PPP4R1: variants seen among roughly 807,000 people sequenced by gnomAD.
The protein encoded by PPP4R1 is serine/threonine-protein phosphatase 4 regulatory subunit 1.
In PPP4R1, 42 loss-of-function variants were observed where a neutral mutation model predicts 111.2. The observed-to-expected ratio is 0.38, with a 90% CI of 0.29 to 0.49. The LOEUF (loss-of-function observed/expected upper bound fraction) is 0.49. Among genes scored for constraint, PPP4R1 ranks in the 20% least tolerant of loss-of-function variants. The pLI is 0.97. For synonymous variants in PPP4R1, 409 were observed against 405.5 expected (o/e 1.01, Z -0.10); for missense variants, 1,012 against 1,161.6 (o/e 0.87, Z 1.87).
intron 10 of PPP4R1, among the ~76,000 whole-genome samples, chr18:9,574,607 T>C (rs1177226457): frequency 1.3e-5 from 2 of 152,224 alleles, no homozygotes; most frequent in Non-Finnish European, 2.9e-5. Flanking sequence ...AGGATTAATA[T>C]GTGCACCAAC....
At chr18:9,567,773 G>A (rs1032654928) in intron 11 of PPP4R1, among the ~76,000 whole-genome samples, 2 of 152,122 alleles carry the variant, frequency 1.3e-5, no homozygotes, top group African/African-American at 4.8e-5. Flanking sequence ...ATGAAAGGAA[G>A]AGTCAACTGA....
intron 2 of PPP4R1, chr18:9,599,881 TCA>T (rs2067351574): frequency 6.6e-6 from 1 of 152,160 alleles, no homozygotes; most frequent in East Asian, 1.9e-4. Context: ...GCTGTGACTG[TCA>T]AACATAATTA....
intron 10 of PPP4R1, among the ~76,000 whole-genome samples, chr18:9,571,300 A>G (rs1344739462): frequency 6.6e-6 from 1 of 152,236 alleles, no homozygotes; most frequent in Non-Finnish European, 1.5e-5. Context: ...TAAAATGAGG[A>G]CATAATTTAA....
At position 9,562,016 on chromosome 18, in the gene PPP4R1, A is replaced by C; in HGVS notation, c.1806T>G (p.Ser602Arg). ...HSDSDLSNNS[S>R]FSPDEERRTK... The stretch of plus-strand genomic sequence containing the variant: ...TTCTCCTTTCCTCATCAGGGCTAAA[A>C]CTGCTATTGTTGCTCAAGTCTGAAT... Residue 602 changes from serine to arginine, a missense_variant, in exon 13 of 20, where the codon AGT becomes AGG. By Grantham distance (110) the Ser-to-Arg change is moderately radical (BLOSUM62 -1). Coordinates refer to ENST00000400556, the MANE Select transcript of PPP4R1 (RefSeq NM_001042388.3). The C allele has an allele frequency of 3.7e-6, 6 of 1,613,256 alleles. No homozygotes were observed. Among genetic ancestry groups the C allele is most frequent in the Non-Finnish European group, 5.1e-6 (6 of 1,179,312 alleles).
intron 3 of PPP4R1, 52 bp from the exon 4 acceptor site, chr18:9,593,926 T>C (rs758434863): frequency 2.8e-6 from 4 of 1,436,842 alleles, no homozygotes. Flanking sequence ...ATAGCTAATA[T>C]CCAGAATTTT....
chr18:9,566,408 G>C (rs2066765475), intron 11 of PPP4R1, among the ~76,000 whole-genome samples: 1 of 151,740 alleles, frequency 6.6e-6, no homozygotes, highest in South Asian at 2.1e-4. Context: ...CCAGCACTTT[G>C]GGAGGCTGAG....
chr18:9,581,168 CAA>C (rs56258469), intron 9 of PPP4R1, among the ~76,000 whole-genome samples: 377 of 138,154 alleles, frequency 2.7e-3, no homozygotes, highest in African/African-American at 5.8e-3. Context: ...ACAAGGCAGG[CAA>C]AAAAAAAAAA....
intron 9 of PPP4R1, among the ~76,000 whole-genome samples, chr18:9,580,344 G>A (rs1180670617): frequency 1.6e-5 from 2 of 125,578 alleles, no homozygotes; most frequent in African/African-American, 3.1e-5. Flanking sequence ...AAAAAGCTGA[G>A]AGTCTAATTT....
rs1184932139 is a variant in PPP4R1, at chr18:9,559,447, G to A, written c.2000C>T (p.Thr667Met). 2.5e-6 allele frequency: 4 copies of A among 1,612,432 alleles called. No individual in the cohort carries two copies. Among genetic ancestry groups the A allele is most frequent in the Admixed American group, 1.7e-5 (1 of 59,856 alleles). ...CATGTCTGAGGCCAGAGTCTCATAC[G>A]TCTCTCTCAGGCAGTGCCAATTCTG... ...GRQNWHCLRE[T>M]YETLASDMQW... is the part of the protein sequence containing the mutation. Residue 667 changes from threonine (T) to methionine (M), a missense_variant, in exon 14 of 20, where the codon ACG becomes ATG. By Grantham distance (81) the Thr-to-Met change is moderately conservative (BLOSUM62 -1). Transcript: ENST00000400556.
chr18:9,595,593 T>C (rs1164654340), intron 2 of PPP4R1, among the ~76,000 whole-genome samples: 1 of 152,220 alleles, frequency 6.6e-6, no homozygotes, highest in Non-Finnish European at 1.5e-5. Flanking sequence ...ATATTTACAT[T>C]CATTAAACAA....
At position 9,583,159 on chromosome 18, in the gene PPP4R1, T is replaced by G. The variant is rs1402058112; in HGVS notation, c.876A>C (p.Leu292Phe). 1 of 1,611,902 alleles carries G rather than the reference T, an allele frequency of 6.2e-7. No homozygotes were observed. Among genetic ancestry groups the G allele is most frequent in the Admixed American group, 1.7e-5 (1 of 59,964 alleles). ...TGATCAAATTAATAAAAAGTGCTGA[T>G]AATTTGGTCCGTCGGATTTCTTGAC... ...ATCQEIRRTKLSALFINLISD... is the reference protein window; with the variant it reads ...ATCQEIRRTKFSALFINLISD... Residue 292 changes from leucine to phenylalanine, a missense_variant, in exon 9 of 20, where the codon TTA (leucine) becomes TTC (phenylalanine). By Grantham distance (22) the Leu-to-Phe change is conservative (BLOSUM62 0). This residue lies in a region of PPP4R1 where 707 missense variants were observed against 742.1 expected (regional missense o/e 0.95). Coordinates refer to ENST00000400556, the MANE Select transcript of PPP4R1 (RefSeq NM_001042388.3).
chr18:9,576,299 T>G (rs1049254640), intron 10 of PPP4R1, among the ~76,000 whole-genome samples: 1 of 152,152 alleles, frequency 6.6e-6, no homozygotes, highest in Non-Finnish European at 1.5e-5. Context: ...TTTCAAATAT[T>G]TGTACTAAAA....
In PPP4R1 at chr18:9,612,036, C is replaced by A. The variant is rs1024584059; in HGVS notation, c.52+2190G>T. On this transcript the variant is annotated intron_variant, in intron 2 of 19. Coordinates refer to ENST00000400556, the MANE Select transcript of PPP4R1 (RefSeq NM_001042388.3). ...CTCAAAAAAAAAAAAAATTTAGTTG[C>A]GAGCATTGGCAGCATCTTTAAGTAC... Among the ~76,000 whole-genome samples the A allele has an allele frequency of 1.6e-4, 25 of 151,842 alleles. 1 individual carries two copies. Among genetic ancestry groups the A allele is most frequent in the Admixed American group, 1.6e-3 (25 of 15,238 alleles).
At chr18:9,552,794 T>G (rs2066509978) in intron 16 of PPP4R1, among the ~76,000 whole-genome samples, 1 of 152,180 alleles carries the variant, frequency 6.6e-6, no homozygotes, top group African/African-American at 2.4e-5. Context: ...ATGTGGTATA[T>G]CCATACAATG....
At chr18:9,554,813 A>G (rs2066544912) in intron 15 of PPP4R1, among the ~76,000 whole-genome samples, 1 of 152,222 alleles carries the variant, frequency 6.6e-6, no homozygotes, top group African/African-American at 2.4e-5. Context: ...TCAAAGGACA[A>G]ATCAAAGGAC....
At chr18:9,578,528 TG>T (rs1463883950) in intron 9 of PPP4R1, among the ~76,000 whole-genome samples, 2 of 151,460 alleles carry the variant, frequency 1.3e-5, no homozygotes, top group East Asian at 3.9e-4. Flanking sequence ...TGTGAGTCAC[TG>T]CTCCTGGCTA....
intron 15 of PPP4R1, among the ~76,000 whole-genome samples, chr18:9,554,518 G>A (rs191933323): frequency 3.3e-4 from 50 of 151,880 alleles, no homozygotes; most frequent in African/African-American, 1.1e-3. Context: ...GAGAGAAAAC[G>A]GTATTGAATT....
At chr18:9,600,835 A>G (rs1449923239) in intron 2 of PPP4R1, among the ~76,000 whole-genome samples, 1 of 152,178 alleles carries the variant, frequency 6.6e-6, no homozygotes, top group African/African-American at 2.4e-5. Flanking sequence ...AAGCTGATAT[A>G]GCTCCACTGC....
At chr18:9,554,474 C>G (rs957068592) in intron 15 of PPP4R1, among the ~76,000 whole-genome samples, 7 of 151,468 alleles carry the variant, frequency 4.6e-5, no homozygotes, top group African/African-American at 1.7e-4. Context: ...AGACTTTTTA[C>G]CAGGAGTAAA....
Sources: gnomAD v4.1 joint callset for allele counts (sites outside exome capture counted in the v4.1 genomes callset) on GRCh38, gnomAD v4.1.1 for gene constraint, gnomAD v4.1.1 regional missense constraint, MANE v1.5 for transcripts, NCBI Gene and HGNC (gene_info 2026-07-23, HGNC 2026-07-21) for gene names.